The following RASGEF1C variants were observed in gnomAD, a reference collection of about 807,000 sequenced individuals.
RASGEF1C encodes the protein RasGEF domain family member 1C.
Under a neutral mutation model 58.1 loss-of-function variants are expected in RASGEF1C, and 27 were observed. That is an observed-to-expected ratio of 0.46 (90% CI 0.34 to 0.64). RASGEF1C has a LOEUF of 0.64. Ranked by LOEUF, RASGEF1C falls within the 30% of genes least tolerant of loss-of-function variation. The probability of loss-of-function intolerance (pLI) is 0.01; values close to 1 mark genes in which losing one functional copy is unlikely to be tolerated. For synonymous variants in RASGEF1C, 243 were observed against 246.3 expected, an observed-to-expected ratio of 0.99 and a Z score of 0.13; for missense variants, 502 against 605.1, an observed-to-expected ratio of 0.83 and a Z score of 1.79.
At chr5:180,151,155 A>G (rs1033934083) in intron 1 of RASGEF1C, among the ~76,000 whole-genome samples, 6 of 152,336 alleles carry the variant, frequency 3.9e-5, no homozygotes, top group East Asian at 1.9e-4. Context: ...GGTAATTTAT[A>G]GATTCAATGC....
intron 1 of RASGEF1C, among the ~76,000 whole-genome samples, chr5:180,169,161 G>A (rs1334621650): frequency 6.6e-6 from 1 of 151,992 alleles, no homozygotes; most frequent in Non-Finnish European, 1.5e-5. Context: ...TAATGTTTAT[G>A]GTCACTTTCT....
chr5:180,205,189 AAAATAAAT>A (rs925444129), intron 1 of RASGEF1C, among the ~76,000 whole-genome samples: 197 of 152,286 alleles, frequency 1.3e-3, no homozygotes, highest in African/African-American at 4.6e-3. Flanking sequence ...ACTCCGTCTC[AAAATAAAT>A]AAATAAATAA....
intron 1 of RASGEF1C, among the ~76,000 whole-genome samples, chr5:180,151,766 T>G (rs1443256938): frequency 6.6e-6 from 1 of 151,866 alleles, no homozygotes; most frequent in African/African-American, 2.4e-5. Context: ...GAAACTACCA[T>G]CAGAGTGAAC....
At chr5:180,132,848 A>G (rs984146193) in intron 4 of RASGEF1C, among the ~76,000 whole-genome samples, 1 of 152,080 alleles carries the variant, frequency 6.6e-6, no homozygotes, top group Non-Finnish European at 1.5e-5. Context: ...GCACGCCTGT[A>G]ATCCCAGCTA....
intron 4 of RASGEF1C, 39 bp from the exon 5 acceptor site, chr5:180,128,649 C>G: frequency 6.3e-7 from 1 of 1,584,388 alleles, no homozygotes; most frequent in Admixed American, 1.7e-5. Context: ...ACTGAACACT[C>G]ATCTCTGCAT....
intron 1 of RASGEF1C, among the ~76,000 whole-genome samples, chr5:180,141,331 G>A (rs1374563305): frequency 2.6e-5 from 4 of 152,232 alleles, no homozygotes; most frequent in African/African-American, 9.6e-5. Flanking sequence ...GTCCATCAGT[G>A]ACGAATGGAT....
At chr5:180,103,271 G>A (rs992784946) in intron 12 of RASGEF1C, among the ~76,000 whole-genome samples, 9 of 152,100 alleles carry the variant, frequency 5.9e-5, no homozygotes, top group African/African-American at 1.4e-4. Context: ...TAGAGATGGG[G>A]TTTCACCGTG....
At chr5:180,176,926 T>C (rs995071253) in intron 1 of RASGEF1C, among the ~76,000 whole-genome samples, 5 of 152,292 alleles carry the variant, frequency 3.3e-5, no homozygotes, top group Middle Eastern at 3.4e-3. Context: ...TGCTGCGTGG[T>C]GCCAGCCGTC....
chr5:180,146,566 A>G lies in RASGEF1C; in HGVS notation c.-6-8508T>C, dbSNP rs1479692740. Among the ~76,000 whole-genome samples the G allele has an allele frequency of 3.3e-5, 5 of 152,078 alleles. No individual in the cohort carries two copies. In the East Asian group the frequency reaches 7.7e-4, roughly 24 times the overall value. ...TTGTTTAATGCTTTTTTCTTCATCA[A>G]TTGAAATGATCATGTGTTTTTTCCT... On this transcript the variant is annotated intron_variant, in intron 1 of 13. Coordinates refer to ENST00000361132, the MANE Select transcript of RASGEF1C (RefSeq NM_175062.4).
chr5:180,185,802 A>G (rs916187487), intron 1 of RASGEF1C, among the ~76,000 whole-genome samples: 2 of 152,086 alleles, frequency 1.3e-5, no homozygotes, highest in South Asian at 2.1e-4. Flanking sequence ...ACCTTCTCAT[A>G]AGGAACAAGA....
intron 12 of RASGEF1C, among the ~76,000 whole-genome samples, chr5:180,103,364 A>G (rs544998448): frequency 2.7e-4 from 41 of 152,332 alleles, no homozygotes; most frequent in South Asian, 1.9e-3. Context: ...GGCGTGAGCC[A>G]CCGCACCCGG....
At chr5:180,203,792 C>T (rs57518956) in intron 1 of RASGEF1C, among the ~76,000 whole-genome samples, 6 of 152,198 alleles carry the variant, frequency 3.9e-5, no homozygotes, top group African/African-American at 1.4e-4. Flanking sequence ...GCCAGGAGTT[C>T]GAGACCAGCC....
chr5:180,200,733 A>C (rs1756380172), intron 1 of RASGEF1C, among the ~76,000 whole-genome samples: 1 of 152,098 alleles, frequency 6.6e-6, no homozygotes, highest in Non-Finnish European at 1.5e-5. Context: ...ATATGGACCA[A>C]GCAGGAGAGC....
chr5:180,181,035 C>T (rs768015537), intron 1 of RASGEF1C, among the ~76,000 whole-genome samples: 1 of 152,210 alleles, frequency 6.6e-6, no homozygotes, highest in African/African-American at 2.4e-5. Flanking sequence ...AAATGCGTCA[C>T]GCCCAGGTGG....
chr5:180,109,466 A>T (rs1380292073), intron 12 of RASGEF1C, among the ~76,000 whole-genome samples: 1 of 151,836 alleles, frequency 6.6e-6, no homozygotes. Context: ...TCAAAAAAAA[A>T]TAATAATAAT....
chr5:180,209,128 GCCGCCGCCGCCGCCGCCGCCGC>G lies in RASGEF1C; in HGVS notation c.-129_-108del, dbSNP rs1166701375. On this transcript the variant is annotated 5_prime_UTR_variant, in exon 1 of 14. Coordinates refer to ENST00000361132, the MANE Select transcript of RASGEF1C (RefSeq NM_175062.4). ...GGCGCCGCCCGCCGCCGCCGCCGCC[GCCGCCGCCGCCGCCGCCGCCGC>G]CCGACCGCCCGGCTCCCAGCGCAGC... is the stretch of plus-strand genomic sequence containing the variant. 6.1e-5 allele frequency: 1 copy of G among 16,382 alleles called. No homozygotes were observed. Among genetic ancestry groups the G allele is most frequent in the Non-Finnish European group, 1.4e-4 (1 of 7,376 alleles). 1.0% of individuals were successfully genotyped at this position (16,382 alleles called of 1,614,324 possible).
Position 180,152,659 on chromosome 5 carries a change from C to T in RASGEF1C, c.-6-14601G>A, listed in dbSNP as rs533086498. ...AGCACACCAACATGGCACATGTATA[C>T]ATATGTAACAAACCTGCACGTTATG... On this transcript the variant is annotated intron_variant, in intron 1 of 13. Coordinates refer to ENST00000361132, the MANE Select transcript of RASGEF1C (RefSeq NM_175062.4). 1.3e-4 allele frequency among the ~76,000 whole-genome samples: 20 copies of T among 149,480 alleles called. No homozygotes were observed. In the South Asian group the frequency reaches 3.0e-3, roughly 22 times the overall value.
chr5:180,198,167 CTG>C lies in RASGEF1C; in HGVS notation c.-7+10859_-7+10860del, dbSNP rs1756314043. On this transcript the variant is annotated intron_variant, in intron 1 of 13. Coordinates refer to ENST00000361132, the MANE Select transcript of RASGEF1C (RefSeq NM_175062.4). The surrounding 1 kb of genome is among the most constrained non-coding windows in gnomAD (Gnocchi z 4.5). Reference sequence around the variant, plus strand: ...CCTGGGCAGTAAGGCCCTAAGGAAACTGGAAACAGGCAGGACAAAAGCGCACC... The same window carrying C: ...CCTGGGCAGTAAGGCCCTAAGGAAACGAAACAGGCAGGACAAAAGCGCACC... Among the ~76,000 whole-genome samples, 1 of 152,198 alleles carries C rather than the reference CTG, an allele frequency of 6.6e-6. No individual in the cohort carries two copies. Among genetic ancestry groups the C allele is most frequent in the Non-Finnish European group, 1.5e-5 (1 of 68,034 alleles).
intron 1 of RASGEF1C, among the ~76,000 whole-genome samples, chr5:180,208,398 A>C (rs370167211): frequency 2.6e-5 from 4 of 152,188 alleles, no homozygotes; most frequent in African/African-American, 9.6e-5. Context: ...CCCTTCCCCA[A>C]GTCCCCCCAA....
Sources: allele counts gnomAD v4.1 joint callset (sites outside exome capture counted in the v4.1 genomes callset), GRCh38; gene constraint gnomAD v4.1.1; non-coding constraint Gnocchi (gnomAD v3.1); transcripts MANE v1.5; gene names NCBI Gene and HGNC (gene_info 2026-07-23, HGNC 2026-07-21).